The following PLEKHG1 variants were observed in gnomAD, a reference collection of about 807,000 sequenced individuals.
PLEKHG1 encodes the protein pleckstrin homology and RhoGEF domain containing G1.
Under a neutral mutation model 100.8 loss-of-function variants are expected in PLEKHG1, and 44 were observed. That is an observed-to-expected ratio of 0.44 (90% CI 0.34 to 0.56). PLEKHG1 has a LOEUF of 0.56. Ranked by LOEUF, PLEKHG1 falls within the 20% of genes least tolerant of loss-of-function variation. The probability of loss-of-function intolerance (pLI) is 0.01; values close to 1 mark genes in which losing one functional copy is unlikely to be tolerated. For synonymous variants in PLEKHG1, 640 were observed against 662.5 expected (o/e 0.97, Z 0.52); for missense variants, 1,545 against 1,720.9 (o/e 0.90, Z 1.81).
At chr6:150,615,170 A>T (rs1300873279) in intron 1 of PLEKHG1, among the ~76,000 whole-genome samples, 1 of 152,178 alleles carries the variant, frequency 6.6e-6, no homozygotes, top group African/African-American at 2.4e-5. Context: ...CATTCATCTG[A>T]TGCTTAGAAA....
At chr6:150,827,998 G>A in intron 14 of PLEKHG1, 1 of 1,612,984 alleles carries the variant, frequency 6.2e-7, no homozygotes, top group South Asian at 1.1e-5. Context: ...GCTGGCGAGG[G>A]CTTGTGGGTC....
intron 2 of PLEKHG1, among the ~76,000 whole-genome samples, chr6:150,748,641 C>T (rs1410667865): frequency 3.3e-5 from 4 of 120,230 alleles, no homozygotes; most frequent in South Asian, 2.7e-4. Flanking sequence ...TTTTTTGAGA[C>T]GGAGTCTTGC....
intron 5 of PLEKHG1, among the ~76,000 whole-genome samples, chr6:150,799,242 C>T (rs936629929): frequency 3.9e-5 from 6 of 152,156 alleles, no homozygotes; most frequent in African/African-American, 1.4e-4. Flanking sequence ...AAGTTCCCTT[C>T]TCCCACTTAA....
chr6:150,795,590 C>T (rs1268773883), intron 4 of PLEKHG1, among the ~76,000 whole-genome samples: 3 of 151,570 alleles, frequency 2.0e-5, no homozygotes, highest in East Asian at 3.9e-4. Context: ...GGCATGGTGG[C>T]GCATTCCTGT....
chr6:150,614,052 T>C (rs979127610), intron 1 of PLEKHG1, among the ~76,000 whole-genome samples: 30 of 152,208 alleles, frequency 2.0e-4, no homozygotes, highest in African/African-American at 6.8e-4. Context: ...GATGAATGAA[T>C]GGGTTGTATT....
intron 2 of PLEKHG1, among the ~76,000 whole-genome samples, chr6:150,645,841 G>A (rs1161419388): frequency 6.6e-6 from 1 of 152,270 alleles, no homozygotes; most frequent in East Asian, 1.9e-4. Flanking sequence ...TACCAGTAAA[G>A]TTCACCATGT....
intron 1 of PLEKHG1, among the ~76,000 whole-genome samples, chr6:150,617,548 T>C (rs772062379): frequency 2.2e-4 from 33 of 152,316 alleles, no homozygotes; most frequent in Admixed American, 9.8e-4. Flanking sequence ...CATGAACCTT[T>C]GGAAGTAGAG....
chr6:150,665,693 CTT>C (rs143485793), intron 3 of PLEKHG1, among the ~76,000 whole-genome samples: 2 of 146,006 alleles, frequency 1.4e-5, no homozygotes, highest in African/African-American at 2.5e-5. Context: ...AGCAGGGGGA[CTT>C]TTTTTTTTTC....
chr6:150,632,051 G>A (rs941277131), intron 1 of PLEKHG1, among the ~76,000 whole-genome samples: 4 of 152,142 alleles, frequency 2.6e-5, no homozygotes, highest in Non-Finnish European at 5.9e-5. Flanking sequence ...ACAAGCACGC[G>A]GCATTTGGCA....
chr6:150,842,086 A>G (rs1777552342), exon 16 of PLEKHG1: 2 of 152,250 alleles, frequency 1.3e-5, no homozygotes, highest in Non-Finnish European at 2.9e-5. Flanking sequence ...GTGATACTGT[A>G]TACTGATCTA....
At chr6:150,742,099 G>A (rs958416107) in intron 2 of PLEKHG1, among the ~76,000 whole-genome samples, 1 of 152,236 alleles carries the variant, frequency 6.6e-6, no homozygotes, top group Non-Finnish European at 1.5e-5. Flanking sequence ...GGCCATTCTT[G>A]TGTTGCTATA....
chr6:150,656,121 T>TAA (rs372257546), intron 3 of PLEKHG1, among the ~76,000 whole-genome samples: 7 of 146,602 alleles, frequency 4.8e-5, no homozygotes, highest in South Asian at 2.2e-4. Flanking sequence ...AATCAACCAA[T>TAA]AAAAAAAAAA....
Position 150,809,623 on chromosome 6 carries a change from G to A in PLEKHG1, c.1192-25G>A, listed in dbSNP as rs772163204. 10 of 1,603,626 alleles carry A rather than the reference G, an allele frequency of 6.2e-6. No homozygotes were observed. The South Asian group carries it at 1.1e-4, about 18-fold the overall frequency. The stretch of plus-strand genomic sequence containing the variant: ...TGTGGGTGGTGGAATCAAGTTGTCT[G>A]ACTGTCTACATCTCGTCTTGGCAGG... On this transcript the variant is annotated intron_variant, in intron 9 of 15. Coordinates refer to ENST00000358517, the Ensembl canonical transcript of PLEKHG1.
chr6:150,831,178 C>T lies in PLEKHG1; in HGVS notation c.2067C>T (p.Asp689=). 6.2e-7 allele frequency: 1 copy of T among 1,614,152 alleles called. No individual in the cohort carries two copies. The change falls in exon 15 of 16, where the codon GAC becomes GAT. Residue 689 remains aspartate (D), a synonymous_variant. Transcript: ENST00000358517. The surrounding 1 kb of genome is among the most constrained non-coding windows in gnomAD (Gnocchi z 4.1). Reference sequence around the variant, plus strand: ...CCACTCCCTCTAAATCAGCCAGGGACTCCGTTCGCCCCAAGAGCACCCCAG... The same window carrying T: ...CCACTCCCTCTAAATCAGCCAGGGATTCCGTTCGCCCCAAGAGCACCCCAG...
intron 10 of PLEKHG1, among the ~76,000 whole-genome samples, chr6:150,814,112 C>T (rs1290242368): frequency 6.6e-6 from 1 of 152,100 alleles, no homozygotes; most frequent in East Asian, 1.9e-4. Flanking sequence ...TTCATTTCGT[C>T]AGGGTGTTAT....
intron 15 of PLEKHG1, among the ~76,000 whole-genome samples, chr6:150,834,405 G>A (rs1000204448): frequency 6.6e-6 from 1 of 152,162 alleles, no homozygotes; most frequent in Admixed American, 6.5e-5. Flanking sequence ...CTCAGCATAA[G>A]AGGAAATGTA....
chr6:150,619,475 G>T (rs1189910893), intron 1 of PLEKHG1, among the ~76,000 whole-genome samples: 2 of 152,096 alleles, frequency 1.3e-5, no homozygotes, highest in African/African-American at 4.8e-5. Flanking sequence ...TGCCTTGGAG[G>T]GCAATAGAAA....
intron 10 of PLEKHG1, 81 bp downstream of exon 11, chr6:150,809,815 G>T: frequency 2.9e-6 from 3 of 1,017,758 alleles, no homozygotes; most frequent in Non-Finnish European, 4.5e-6. Flanking sequence ...GTTACTGTGA[G>T]CCGAGATCAC....
intron 1 of PLEKHG1, among the ~76,000 whole-genome samples, chr6:150,627,846 T>C (rs890711070): frequency 2.0e-5 from 3 of 152,328 alleles, no homozygotes; most frequent in Non-Finnish European, 4.4e-5. Context: ...TTTATTGCCA[T>C]CTGTGATCAT....
Sources: allele counts gnomAD v4.1 joint callset (sites outside exome capture counted in the v4.1 genomes callset), GRCh38; gene constraint gnomAD v4.1.1; non-coding constraint Gnocchi (gnomAD v3.1); transcripts MANE v1.5; gene names NCBI Gene and HGNC (gene_info 2026-07-23, HGNC 2026-07-21).